The following ESRRG variants were observed in gnomAD, a reference collection of about 807,000 sequenced individuals.
ESRRG encodes the protein estrogen related receptor gamma.
In ESRRG, 13 loss-of-function variants were observed where a neutral mutation model predicts 44.0. The observed-to-expected ratio is 0.30, with a 90% CI of 0.19 to 0.47. The LOEUF (loss-of-function observed/expected upper bound fraction) is 0.47, where lower values mean the gene tolerates loss of function less well. Ranked by LOEUF, ESRRG falls within the 20% of genes least tolerant of loss-of-function variation. The probability of loss-of-function intolerance (pLI) is 1.00; values close to 1 mark genes in which losing one functional copy is unlikely to be tolerated. For synonymous variants in ESRRG, 215 were observed against 214.6 expected (o/e 1.00, Z -0.02); for missense variants, 395 against 580.6 (o/e 0.68, Z 3.29).
At chr1:217,101,099 A>G (rs2092505134) in intron 1 of ESRRG, among the ~76,000 whole-genome samples, 1 of 152,252 alleles carries the variant, frequency 6.6e-6, no homozygotes, top group African/African-American at 2.4e-5. Flanking sequence ...ACATGCCTCT[A>G]TGAGACACAT....
rs577218830 is a variant in ESRRG at position 216,663,897 on chromosome 1, T to C, written c.473-12808A>G. Among the ~76,000 whole-genome samples the C allele has an allele frequency of 2.6e-5, 4 of 152,230 alleles. No homozygotes were observed. In the East Asian group the frequency reaches 5.8e-4, roughly 22 times the overall value. On this transcript the variant is annotated intron_variant, in intron 2 of 6. Transcript: ENST00000408911. ...GGGTGGAGAAAGGAATGTCAGATGA[T>C]AAAAATCCAGAGAACTGACACAGGA... is the stretch of plus-strand genomic sequence containing the variant.
At chr1:216,806,754 G>A (rs1440181725) in intron 2 of ESRRG, among the ~76,000 whole-genome samples, 1 of 152,100 alleles carries the variant, frequency 6.6e-6, no homozygotes, top group Non-Finnish European at 1.5e-5. Context: ...GACTTCTTTG[G>A]GGTCTCACAT....
chr1:217,011,621 TGGGA>T (rs373531435), intron 1 of ESRRG, among the ~76,000 whole-genome samples: 78,187 of 152,126 alleles, frequency 0.51, 20,415 homozygotes, highest in Admixed American at 0.65. Flanking sequence ...GAAACTAGCC[TGGGA>T]TTGCTTTGGG....
chr1:216,505,570 C>A lies in ESRRG; in HGVS notation c.*1369G>T, dbSNP rs945544295. ...ACAGGCAGTATCACATTCCTAACCACCATGGCAGCTAGAAATCATATGGCA... is the reference window on the plus strand; with the variant it reads ...ACAGGCAGTATCACATTCCTAACCAACATGGCAGCTAGAAATCATATGGCA... On this transcript the variant is annotated 3_prime_UTR_variant, in exon 7 of 7. Coordinates refer to ENST00000408911, the MANE Select transcript of ESRRG (RefSeq NM_001438.4). 6.6e-6 allele frequency: 1 copy of A among 152,522 alleles called. No homozygotes were observed. The highest frequency in any genetic ancestry group is 6.5e-5 in the Admixed American group (1 of 15,270). The allele number at this position is 152,522 out of a possible 1,614,324, so 9.4% of individuals were successfully genotyped here.
At chr1:217,074,331 G>C (rs1191456037) in intron 1 of ESRRG, among the ~76,000 whole-genome samples, 19 of 151,358 alleles carry the variant, frequency 1.3e-4, no homozygotes, top group Admixed American at 1.3e-3. Context: ...TTACAGGCAT[G>C]AACCACCGCG....
At chr1:216,806,435 T>G (rs897242119) in intron 2 of ESRRG, among the ~76,000 whole-genome samples, 1 of 152,218 alleles carries the variant, frequency 6.6e-6, no homozygotes, top group Non-Finnish European at 1.5e-5. Flanking sequence ...ACTGCTAGTA[T>G]GTTAATTAAC....
intron 2 of ESRRG, among the ~76,000 whole-genome samples, chr1:216,911,680 T>C (rs2060313706): frequency 6.6e-6 from 1 of 151,822 alleles, no homozygotes; most frequent in South Asian, 2.1e-4. Flanking sequence ...GAGCAGGCTG[T>C]GCTAGTGTCA....
intron 2 of ESRRG, among the ~76,000 whole-genome samples, chr1:216,654,353 G>A (rs1404722225): frequency 6.6e-6 from 1 of 151,976 alleles, no homozygotes; most frequent in Admixed American, 6.6e-5. Flanking sequence ...AAAGCCAGGT[G>A]CGATGGCTCA....
intron 1 of ESRRG, among the ~76,000 whole-genome samples, chr1:216,717,223 A>T (rs2085091074): frequency 6.6e-6 from 1 of 151,916 alleles, no homozygotes; most frequent in South Asian, 2.1e-4. Flanking sequence ...TGGATAATTG[A>T]TTAGAAAACA....
chr1:216,702,776 CAAAA>C (rs5780911), intron 1 of ESRRG, among the ~76,000 whole-genome samples: 4 of 95,184 alleles, frequency 4.2e-5, no homozygotes, highest in Non-Finnish European at 4.3e-5. Context: ...GACTCTGCCT[CAAAA>C]AAAAAAAAAA....
chr1:216,688,983 A>C (rs2078556479), intron 1 of ESRRG, among the ~76,000 whole-genome samples: 1 of 152,142 alleles, frequency 6.6e-6, no homozygotes. Context: ...ATGGGTAAAC[A>C]CACATTAACT....
chr1:216,888,812 A>G (rs536534004), intron 2 of ESRRG, among the ~76,000 whole-genome samples: 42 of 152,280 alleles, frequency 2.8e-4, no homozygotes, highest in African/African-American at 9.9e-4. Flanking sequence ...TCAGGGCTAG[A>G]GTTCACTGTG....
intron 2 of ESRRG, among the ~76,000 whole-genome samples, chr1:216,803,079 G>A (rs966567647): frequency 2.6e-5 from 4 of 152,026 alleles, no homozygotes; most frequent in Non-Finnish European, 4.4e-5. Context: ...AAACTGGAGT[G>A]AGAAGGGCCA....
chr1:216,536,536 T>A (rs2051017770), intron 5 of ESRRG, among the ~76,000 whole-genome samples: 1 of 152,092 alleles, frequency 6.6e-6, no homozygotes, highest in East Asian at 1.9e-4. Context: ...ACTTATGATT[T>A]CCCTGACTCA....
rs142837844 is a variant in ESRRG, at chr1:217,010,847, G to A, written c.-105-71174C>T. Among the ~76,000 whole-genome samples, 1,132 of 152,250 alleles carry A rather than the reference G, an allele frequency of 7.4e-3. 15 individuals carry two copies. Among genetic ancestry groups the A allele is most frequent in the African/African-American group, 0.026 (1,074 of 41,552 alleles). ...GCTGTGTGTAGACCAGGAAGCTAACGTAGGAAAATTAAGAGGATAGGGAAG... is the reference window on the plus strand; with the variant it reads ...GCTGTGTGTAGACCAGGAAGCTAACATAGGAAAATTAAGAGGATAGGGAAG... On this transcript the variant is annotated intron_variant, in intron 1 of 7. Coordinates refer to the ESRRG transcript ENST00000359162.
intron 1 of ESRRG, among the ~76,000 whole-genome samples, chr1:217,007,426 T>C (rs1003694120): frequency 1.3e-5 from 2 of 152,160 alleles, no homozygotes; most frequent in African/African-American, 4.8e-5. Flanking sequence ...TCAATGACAT[T>C]TTCATAACAA....
chr1:217,029,176 G>A (rs1472868410), intron 1 of ESRRG, among the ~76,000 whole-genome samples: 3 of 152,200 alleles, frequency 2.0e-5, no homozygotes, highest in South Asian at 4.1e-4. Flanking sequence ...ATGCCCATGG[G>A]CGAACATGTA....
chr1:216,634,147 C>T (rs1261534652), intron 3 of ESRRG, among the ~76,000 whole-genome samples: 1 of 152,194 alleles, frequency 6.6e-6, no homozygotes, highest in African/African-American at 2.4e-5. Flanking sequence ...AGCCCAGTAT[C>T]TCTGAAGCAT....
At chr1:216,592,582 C>A (rs911400027) in intron 3 of ESRRG, among the ~76,000 whole-genome samples, 1 of 151,962 alleles carries the variant, frequency 6.6e-6, no homozygotes, top group African/African-American at 2.4e-5. Context: ...CTCACTGCAA[C>A]CTCCACCTCC....
Sources: gnomAD v4.1 joint callset for allele counts (sites outside exome capture counted in the v4.1 genomes callset) on GRCh38, gnomAD v4.1.1 for gene constraint, MANE v1.5 for transcripts, NCBI Gene and HGNC (gene_info 2026-07-23, HGNC 2026-07-21) for gene names.